SGCZ: variants seen among roughly 807,000 people sequenced by gnomAD.
The protein encoded by SGCZ is sarcoglycan zeta, also known as zeta-sarcoglycan.
Under a neutral mutation model 41.3 loss-of-function variants are expected in SGCZ, and 40 were observed. That is an observed-to-expected ratio of 0.97 (90% CI 0.75 to 1.26). The LOEUF (loss-of-function observed/expected upper bound fraction) is 1.26. Among genes scored for constraint, SGCZ ranks in the 50% most tolerant of loss-of-function variants. SGCZ has a pLI of 0.00. For synonymous variants in SGCZ, 206 were observed against 137.5 expected, an observed-to-expected ratio of 1.50 and a Z score of -3.49; for missense variants, 552 against 369.8, an observed-to-expected ratio of 1.49 and a Z score of -4.04.
intron 4 of SGCZ, among the ~76,000 whole-genome samples, chr8:14,204,985 G>A (rs117794366): frequency 6.9e-4 from 105 of 152,102 alleles, no homozygotes; most frequent in South Asian, 1.9e-3. Context: ...ATATTAATAG[G>A]AACCTATATC....
rs542008913 is a variant in SGCZ, at chr8:14,137,762, T to C, written c.547+26818A>G. Among the ~76,000 whole-genome samples, 308 of 152,302 alleles carry C rather than the reference T, an allele frequency of 2.0e-3. 1 individual carries two copies. Among genetic ancestry groups the C allele is most frequent in the African/African-American group, 7.2e-3 (300 of 41,570 alleles). ...CCAAGTTGGAAAACACTCTTCAGGA[T>C]ATTATCCAGGAGAACTTCCCCAATC... On this transcript the variant is annotated intron_variant, in intron 5 of 7. Coordinates refer to ENST00000382080, the MANE Select transcript of SGCZ (RefSeq NM_139167.4).
Position 15,195,968 on chromosome 8 carries a change from G to T in SGCZ, c.39+41617C>A, listed in dbSNP as rs532846820. Among the ~76,000 whole-genome samples the T allele has an allele frequency of 2.9e-3, 362 of 123,744 alleles. 24 individuals are homozygous for T. The highest frequency in any genetic ancestry group is 0.011 in the African/African-American group (347 of 31,886). The allele number at this position is 123,744 out of a possible 152,430, so 81.2% of individuals were successfully genotyped here. A position where few individuals can be genotyped will look rare whatever the true frequency, so the allele number is the denominator to read the frequency against. On this transcript the variant is annotated intron_variant, in intron 1 of 7. Coordinates refer to ENST00000382080, the MANE Select transcript of SGCZ (RefSeq NM_139167.4). ...GCTGGAGTGCAGTGGCGCGATCTTGGCTCACTGCAAGCTCCGCCTCCCGGG... is the reference window on the plus strand; with the variant it reads ...GCTGGAGTGCAGTGGCGCGATCTTGTCTCACTGCAAGCTCCGCCTCCCGGG...
chr8:14,880,286 TAAAA>T (rs1012104856), intron 1 of SGCZ, among the ~76,000 whole-genome samples: 1 of 152,102 alleles, frequency 6.6e-6, no homozygotes, highest in African/African-American at 2.4e-5. Flanking sequence ...TGGTGATCAT[TAAAA>T]AGTCAAGAAA....
intron 2 of SGCZ, among the ~76,000 whole-genome samples, chr8:14,474,298 T>C (rs10108297): frequency 0.41 from 62,055 of 152,140 alleles, 14,527 homozygotes; most frequent in African/African-American, 0.65. Flanking sequence ...AACATCCAAA[T>C]TTCTGAATCA....
At chr8:14,601,701 G>A (rs2117313870) in intron 1 of SGCZ, among the ~76,000 whole-genome samples, 1 of 152,300 alleles carries the variant, frequency 6.6e-6, no homozygotes, top group Non-Finnish European at 1.5e-5. Flanking sequence ...TGTGGCAGAT[G>A]TGAGAACATC....
intron 3 of SGCZ, among the ~76,000 whole-genome samples, chr8:14,307,743 T>G (rs923424345): frequency 4.6e-5 from 7 of 152,138 alleles, no homozygotes; most frequent in Non-Finnish European, 1.0e-4. Flanking sequence ...TCTTTTTTAA[T>G]ATAAAGACAT....
chr8:14,821,598 A>T (rs1053489301), intron 1 of SGCZ, among the ~76,000 whole-genome samples: 1 of 152,140 alleles, frequency 6.6e-6, no homozygotes, highest in East Asian at 1.9e-4. Flanking sequence ...CCAATAGCAC[A>T]TTAAAAAGAT....
intron 5 of SGCZ, among the ~76,000 whole-genome samples, chr8:14,157,514 C>G (rs561969268): frequency 6.6e-6 from 1 of 150,546 alleles, no homozygotes; most frequent in African/African-American, 2.4e-5. Flanking sequence ...TTTGATAATA[C>G]TATTTTTACC....
chr8:14,417,589 C>G (rs1187124732), intron 2 of SGCZ, among the ~76,000 whole-genome samples: 2 of 151,562 alleles, frequency 1.3e-5, no homozygotes, highest in African/African-American at 2.4e-5. Context: ...CTAAAATTAC[C>G]TAATTGTCAC....
chr8:14,465,752 A>G (rs12547304), intron 2 of SGCZ, among the ~76,000 whole-genome samples: 31,154 of 151,654 alleles, frequency 0.21, 3,902 homozygotes, highest in Non-Finnish European at 0.29. Context: ...CTTAACTTCA[A>G]TAACGTAGAA....
Position 14,980,838 on chromosome 8 carries a change from A to G in SGCZ, c.39+256747T>C, listed in dbSNP as rs140323235. ...ACAGAGCCAAACCATATCACTATCT[A>G]TTAATAATCTGTCTCTCTATCTATC... On this transcript the variant is annotated intron_variant, in intron 1 of 7. Coordinates refer to ENST00000382080, the MANE Select transcript of SGCZ (RefSeq NM_139167.4). Among the ~76,000 whole-genome samples the G allele has an allele frequency of 7.9e-4, 119 of 151,290 alleles. 1 individual carries two copies. In the East Asian group the frequency reaches 0.021, roughly 27 times the overall value.
intron 1 of SGCZ, among the ~76,000 whole-genome samples, chr8:14,762,104 T>C (rs1311680914): frequency 6.6e-6 from 1 of 152,184 alleles, no homozygotes; most frequent in East Asian, 1.9e-4. Flanking sequence ...CCCCTTTTTT[T>C]CCAAAATGGA....
At chr8:14,926,343 A>C (rs1004764548) in intron 1 of SGCZ, among the ~76,000 whole-genome samples, 7 of 152,218 alleles carry the variant, frequency 4.6e-5, no homozygotes, top group East Asian at 1.9e-4. Context: ...CTAGGTTATT[A>C]AACTAAACTA....
At chr8:14,139,812 G>A (rs1192250502) in intron 5 of SGCZ, among the ~76,000 whole-genome samples, 3 of 152,058 alleles carry the variant, frequency 2.0e-5, no homozygotes, top group Non-Finnish European at 4.4e-5. Context: ...AGAAAAAGAG[G>A]GAATCCTCCC....
At chr8:14,787,814 C>T (rs1800817411) in intron 1 of SGCZ, among the ~76,000 whole-genome samples, 1 of 151,958 alleles carries the variant, frequency 6.6e-6, no homozygotes. Context: ...TCACTGCACT[C>T]CAGCCTGGAC....
Position 14,188,797 on chromosome 8 carries a change from GTTTTTTTTTTGTTTGTTTGTTTCTTT to G in SGCZ, c.425-24121_425-24096del, listed in dbSNP as rs1563174958. On this transcript the variant is annotated intron_variant, in intron 4 of 7. Coordinates refer to ENST00000382080, the MANE Select transcript of SGCZ (RefSeq NM_139167.4). ...TAATCCCACTTTTTCCAGATTTCTT[GTTTTTTTTTTGTTTGTTTGTTTCTTT>G]GTTTTTTTTTGTTTGTTTGTTTTTT... is the stretch of plus-strand genomic sequence containing the variant. Among the ~76,000 whole-genome samples, 7 of 134,198 alleles carry G rather than the reference GTTTTTTTTTTGTTTGTTTGTTTCTTT, an allele frequency of 5.2e-5. 1 individual carries two copies. The highest frequency in any genetic ancestry group is 1.5e-4 in the Admixed American group (2 of 13,386). 88.0% of individuals were successfully genotyped at this position (134,198 alleles called of 152,430 possible).
intron 2 of SGCZ, among the ~76,000 whole-genome samples, chr8:14,513,691 C>T (rs968825189): frequency 2.6e-5 from 4 of 151,908 alleles, no homozygotes; most frequent in Admixed American, 6.6e-5. Flanking sequence ...TAAATATTAC[C>T]AGTTCCTTTT....
At position 15,103,984 on chromosome 8, in the gene SGCZ, C is replaced by T. The variant is rs561930565; in HGVS notation, c.39+133601G>A. Among the ~76,000 whole-genome samples the T allele has an allele frequency of 1.1e-4, 16 of 152,236 alleles. 1 individual carries two copies. The highest frequency in any genetic ancestry group is 6.8e-3 in the Middle Eastern group (2 of 294). ...AGAAATCCCCTTTTAAGTGACCGTA[C>T]GCTGGATAAGGGATAACAGACAATG... On this transcript the variant is annotated intron_variant, in intron 1 of 7. Coordinates refer to ENST00000382080, the MANE Select transcript of SGCZ (RefSeq NM_139167.4).
intron 2 of SGCZ, among the ~76,000 whole-genome samples, chr8:14,469,231 A>T (rs1801140960): frequency 6.6e-6 from 1 of 152,148 alleles, no homozygotes; most frequent in African/African-American, 2.4e-5. Flanking sequence ...CCTATACAGA[A>T]AGACAACCTC....
Sources: gnomAD v4.1 joint callset for allele counts (sites outside exome capture counted in the v4.1 genomes callset) on GRCh38, gnomAD v4.1.1 for gene constraint, MANE v1.5 for transcripts, NCBI Gene and HGNC (gene_info 2026-07-23, HGNC 2026-07-21) for gene names.